IRF1: variants seen among roughly 807,000 people sequenced by gnomAD.
IRF1 encodes interferon regulatory factor 1, also known as interferon regulatory factor-1.
IRF1 carries 13 observed loss-of-function variants against 43.7 expected under a neutral mutation model. That is an observed-to-expected ratio of 0.30 (90% confidence interval 0.19 to 0.47). The LOEUF is 0.47. Among genes scored for constraint, IRF1 ranks in the 20% least tolerant of loss-of-function variants. The pLI is 0.99. For missense variants in IRF1, 236 were observed against 408.9 expected (o/e 0.58, Z 3.65); for synonymous variants, 138 against 146.8 (o/e 0.94, Z 0.43).
intron 7 of IRF1, 62 bp from the exon 8 acceptor site, chr5:132,485,778 G>T (rs1754506318): frequency 2.3e-6 from 3 of 1,304,296 alleles, no homozygotes; most frequent in Non-Finnish European, 3.3e-6. Flanking sequence ...TGCAGTTCCA[G>T]TTCCAGCCCA....
Position 132,482,287 on chromosome 5 carries a change from C to T in IRF1, c.*1664G>A, listed in dbSNP as rs1242137242. ...AGGCTGTAGTGCAGTGGTGCAATCT[C>T]GGCTCACTGCAAGCTCTGCCTCCGG... On this transcript the variant is annotated 3_prime_UTR_variant, in exon 10 of 10. Coordinates refer to ENST00000245414, the MANE Select transcript of IRF1 (RefSeq NM_002198.3). 2.0e-5 allele frequency: 3 copies of T among 150,302 alleles called. No homozygotes were observed. In the East Asian group the frequency reaches 5.9e-4, roughly 30 times the overall value. The allele number at this position is 150,302 out of a possible 1,614,324, so 9.3% of individuals were successfully genotyped here.
chr5:132,486,181 T>C lies in IRF1; in HGVS notation c.667+70A>G, dbSNP rs1754521051. 4.4e-6 allele frequency: 7 copies of C among 1,586,222 alleles called. 1 individual carries two copies. The African/African-American group carries it at 9.4e-5, about 21-fold the overall frequency. ...TGCCAGGTGGAGTTCTGATCATCTT[T>C]TCTCTCTCAGGAAGCCCTTCACAGG... is the stretch of plus-strand genomic sequence containing the variant. On this transcript the variant is annotated intron_variant, in intron 7 of 9. Coordinates refer to ENST00000245414, the MANE Select transcript of IRF1 (RefSeq NM_002198.3).
At chr5:132,487,234 T>C (rs933411469) in intron 3 of IRF1, 104 bp from the exon 4 acceptor site, 12 of 1,150,120 alleles carry the variant, frequency 1.0e-5, no homozygotes, top group Admixed American at 1.9e-5. Context: ...CCTCTTATGC[T>C]ACCAGAGAGC....
Position 132,486,616 on chromosome 5 carries a change from C to T in IRF1, c.485G>A (p.Ser162Asn). The change falls in exon 6 of 10, where the codon AGC (serine) becomes AAC (asparagine). Residue 162 changes from serine to asparagine, a missense_variant. By Grantham distance (46) the Ser-to-Asn change is conservative (BLOSUM62 1). This residue lies in a region of IRF1 where 170 missense variants were observed against 251.8 expected (regional missense o/e 0.68). Transcript: ENST00000245414. Reference sequence around the variant, plus strand: ...CATGTAGCCTGGAACTGTGTAGCTGCTGTGGTCATCAGGCAGAGTGGAGCT... The same window carrying T: ...CATGTAGCCTGGAACTGTGTAGCTGTTGTGGTCATCAGGCAGAGTGGAGCT... ...LSSSTLPDDHSSYTVPGYMQD... is the reference protein window; with the variant it reads ...LSSSTLPDDHNSYTVPGYMQD... 1 of 1,614,186 alleles carries T rather than the reference C, an allele frequency of 6.2e-7. No individual in the cohort carries two copies. The highest frequency in any genetic ancestry group is 8.5e-7 in the Non-Finnish European group (1 of 1,180,032).
rs1304739708 is a variant in IRF1, at chr5:132,486,835, G to C, written c.374C>G (p.Ser125Trp). Residue 125 changes from serine to tryptophan, a missense_variant, in exon 5 of 10, where the codon TCG (serine) becomes TGG (tryptophan). Ser to Trp is a radical substitution (Grantham distance 177). Around this residue, in one of 2 missense-constraint regions of IRF1, gnomAD observed 170 missense variants for 251.8 expected, o/e 0.68. Transcript: ENST00000245414. ...GCTCTTAGCATCTCGGCTGGACTTC[G>C]ACTTTCTTTCTGTGGGGCAGACGGG... is the stretch of plus-strand genomic sequence containing the variant. Reference protein sequence around the residue: ...LTKNQRKERKSKSSRDAKSKA... With the variant: ...LTKNQRKERKWKSSRDAKSKA... The C allele has an allele frequency of 6.2e-7, 1 of 1,614,126 alleles. No individual in the cohort carries two copies. The highest frequency in any genetic ancestry group is 8.5e-7 in the Non-Finnish European group (1 of 1,180,028).
intron 3 of IRF1, 49 bp downstream of exon 3, chr5:132,487,877 C>G (rs1754582781): frequency 7.5e-7 from 1 of 1,325,918 alleles, no homozygotes; most frequent in South Asian, 1.2e-5. Flanking sequence ...GTGAGTGCCT[C>G]CTCTTGTCTC....
At chr5:132,485,482 C>CT in intron 8 of IRF1, 185 bp downstream of exon 8, 2 of 663,064 alleles carry the variant, frequency 3.0e-6, no homozygotes, top group South Asian at 3.3e-5. Flanking sequence ...GGCCTCCCAC[C>CT]TGCCTTCCCT....
intron 8 of IRF1, chr5:132,484,799 TAAAACAAAGG>T (rs1754475938): frequency 3.3e-6 from 1 of 302,702 alleles, no homozygotes; most frequent in African/African-American, 2.1e-5. Flanking sequence ...GAATGTGGCT[TAAAACAAAGG>T]TTAGCATAAT....
rs1367051732 is a variant in IRF1, at chr5:132,482,882, TCCAC to T, written c.*1065_*1068del. ...GTCTCGAACTCCTGACCTCAGGTGA[TCCAC>T]CCATCTCGGCCTCCCAAAGTGCTGG... On this transcript the variant is annotated 3_prime_UTR_variant, in exon 10 of 10. Coordinates refer to ENST00000245414, the MANE Select transcript of IRF1 (RefSeq NM_002198.3). 6.6e-6 allele frequency: 1 copy of T among 151,946 alleles called. No individual in the cohort carries two copies. Among genetic ancestry groups the T allele is most frequent in the Admixed American group, 6.6e-5 (1 of 15,244 alleles). 9.4% of individuals were successfully genotyped at this position (151,946 alleles called of 1,614,324 possible). A position where few individuals can be genotyped will look rare whatever the true frequency, so the allele number is the denominator to read the frequency against.
Position 132,490,223 on chromosome 5 carries a change from C to T in IRF1, c.-6+322G>A, listed in dbSNP as rs1754674848. The T allele has an allele frequency of 6.6e-6, 1 of 152,172 alleles. No individual in the cohort carries two copies. Among genetic ancestry groups the T allele is most frequent in the Non-Finnish European group, 1.5e-5 (1 of 68,006 alleles). 9.4% of individuals were successfully genotyped at this position (152,172 alleles called of 1,614,324 possible). A position where few individuals can be genotyped will look rare whatever the true frequency, so the allele number is the denominator to read the frequency against. ...CCCACGCGTGGGCTGACACTCGGTC[C>T]CCGGCACGGCGTGTGGATGCGCGGG... is the stretch of plus-strand genomic sequence containing the variant. On this transcript the variant is annotated intron_variant, in intron 1 of 9. Coordinates refer to ENST00000245414, the MANE Select transcript of IRF1 (RefSeq NM_002198.3). The surrounding 1 kb of genome is among the most constrained non-coding windows in gnomAD (Gnocchi z 5.8).
chr5:132,488,535 A>G (rs1258239942), intron 2 of IRF1: 1 of 153,354 alleles, frequency 6.5e-6, no homozygotes, highest in East Asian at 1.9e-4. Context: ...TTTGCCCCTC[A>G]GTTTTCTCTT....
In IRF1 at chr5:132,482,121, C is replaced by G. The variant is rs904095146; in HGVS notation, c.*1830G>C. 24 of 152,036 alleles carry G rather than the reference C, an allele frequency of 1.6e-4. No homozygotes were observed. Among genetic ancestry groups the G allele is most frequent in the African/African-American group, 5.8e-4 (24 of 41,388 alleles). 9.4% of individuals were successfully genotyped at this position (152,036 alleles called of 1,614,324 possible). Reference sequence around the variant, plus strand: ...AGGCTGGAGTGCAGTGGCACAGTCTCAGCTCACTGCAACCTCCATCTCCCG... The same window carrying G: ...AGGCTGGAGTGCAGTGGCACAGTCTGAGCTCACTGCAACCTCCATCTCCCG... On this transcript the variant is annotated 3_prime_UTR_variant, in exon 10 of 10. Transcript: ENST00000245414.
At chr5:132,487,834 T>C in intron 3 of IRF1, 92 bp downstream of exon 3, 1 of 812,078 alleles carries the variant, frequency 1.2e-6, no homozygotes, top group Non-Finnish European at 2.1e-6. Context: ...CTCAGGGAGC[T>C]CAGGGACCCC....
rs747840820 is a variant in IRF1 at position 132,483,810 on chromosome 5, G to A, written c.*141C>T. On this transcript the variant is annotated 3_prime_UTR_variant, in exon 10 of 10. Coordinates refer to ENST00000245414, the MANE Select transcript of IRF1 (RefSeq NM_002198.3). Reference sequence around the variant, plus strand: ...GGCCCTGAGAGGTCAATGACCCAAGGAGGGAGGCCCCATCCCCACTTGGCA... The same window carrying A: ...GGCCCTGAGAGGTCAATGACCCAAGAAGGGAGGCCCCATCCCCACTTGGCA... 4 of 1,049,552 alleles carry A rather than the reference G, an allele frequency of 3.8e-6. No homozygotes were observed. Among genetic ancestry groups the A allele is most frequent in the Non-Finnish European group, 5.5e-6 (4 of 725,240 alleles). The allele number at this position is 1,049,552 out of a possible 1,614,324, so 65.0% of individuals were successfully genotyped here. A position where few individuals can be genotyped will look rare whatever the true frequency, so the allele number is the denominator to read the frequency against.
At chr5:132,484,779 TAGTA>T in intron 8 of IRF1, 2 of 368,464 alleles carry the variant, frequency 5.4e-6, no homozygotes, top group East Asian at 8.7e-5. Context: ...TGTAAGGACA[TAGTA>T]AGAGGGAATG....
At position 132,486,979 on chromosome 5, in the gene IRF1, T is replaced by C. The variant is rs1754547638; in HGVS notation, c.339A>G (p.Pro113=). 6.2e-7 allele frequency: 1 copy of C among 1,614,006 alleles called. No homozygotes were observed. Among genetic ancestry groups the C allele is most frequent in the African/African-American group, 1.3e-5 (1 of 74,920 alleles). ...CTTTTCTCTGGTTCTTGGTGAGAGG[T>C]GGAAGCATCCGGTACACTCGCACAG... The part of the protein sequence containing the change: ...SSAVRVYRML[P]PLTKNQRKER... Residue 113 remains proline, a synonymous_variant, in exon 4 of 10, where the codon CCA becomes CCG. Coordinates refer to ENST00000245414, the MANE Select transcript of IRF1 (RefSeq NM_002198.3).
chr5:132,489,908 C>T (rs1580942271), intron 1 of IRF1: 1 of 190,490 alleles, frequency 5.2e-6, no homozygotes, highest in African/African-American at 2.3e-5. Flanking sequence ...AAGGGCTAGC[C>T]GTCACCCTGA....
chr5:132,489,523 G>C, intron 1 of IRF1, 40 bp from the exon 2 acceptor site: 2 of 1,548,756 alleles, frequency 1.3e-6, no homozygotes, highest in Non-Finnish European at 1.8e-6. Flanking sequence ...GGAATCTGTT[G>C]AACAGTACCT....
chr5:132,485,049 A>G (rs2126837423), intron 8 of IRF1: 1 of 155,382 alleles, frequency 6.4e-6, no homozygotes, highest in East Asian at 1.9e-4. Flanking sequence ...AGTAGCTGGG[A>G]TTACAGGCAT....
Sources: gnomAD v4.1 joint callset for allele counts on GRCh38, gnomAD v4.1.1 for gene constraint, gnomAD v4.1.1 regional missense constraint, Gnocchi (gnomAD v3.1) non-coding constraint, MANE v1.5 for transcripts, NCBI Gene and HGNC (gene_info 2026-07-23, HGNC 2026-07-21) for gene names.